The following DIO1 variants were observed in gnomAD, a reference collection of about 807,000 sequenced individuals.
DIO1 encodes iodothyronine deiodinase 1.
DIO1 carries 17 observed loss-of-function variants against 25.9 expected under a neutral mutation model. The ratio of observed to expected loss-of-function variants is 0.66; its 90% CI spans 0.45 to 0.98. DIO1 has a LOEUF of 0.98. DIO1 is among the 50% of genes least tolerant of loss of function. The probability of loss-of-function intolerance (pLI) is 0.00; values close to 1 mark genes in which losing one functional copy is unlikely to be tolerated. For missense variants in DIO1, 270 were observed against 310.4 expected (o/e 0.87, Z 0.98); for synonymous variants, 115 against 114.0 (o/e 1.01, Z -0.05).
intron 1 of DIO1, among the ~76,000 whole-genome samples, chr1:53,901,173 T>C (rs1051960376): frequency 5.3e-5 from 8 of 151,870 alleles, no homozygotes; most frequent in Admixed American, 1.3e-4. Flanking sequence ...CCTAACTGCT[T>C]ATCCCTCACT....
chr1:53,900,073 A>T (rs1250837280), intron 1 of DIO1, among the ~76,000 whole-genome samples: 3 of 152,206 alleles, frequency 2.0e-5, no homozygotes, highest in Non-Finnish European at 4.4e-5. Flanking sequence ...CAGGCCTTTT[A>T]AGAAAAAGTC....
chr1:53,896,207 TC>T (rs1197269126), intron 1 of DIO1, among the ~76,000 whole-genome samples: 6 of 145,732 alleles, frequency 4.1e-5, no homozygotes, highest in African/African-American at 1.5e-4. Context: ...TTTTTCTTTT[TC>T]TCTTTTTTTT....
intron 1 of DIO1, among the ~76,000 whole-genome samples, chr1:53,901,229 T>A (rs7520300): frequency 0.23 from 34,528 of 151,928 alleles, 4,164 homozygotes; most frequent in African/African-American, 0.3. Flanking sequence ...GCCAGAGTGA[T>A]CTTCAAGTGT....
rs751609426 is a variant in DIO1 at position 53,894,343 on chromosome 1, G to A, written c.133G>A (p.Gly45Ser). Residue 45 changes from glycine to serine, a missense_variant, in exon 1 of 4, where the codon GGC (glycine) becomes AGC (serine). By Grantham distance (56) the Gly-to-Ser change is moderately conservative. Coordinates refer to ENST00000361921, the MANE Select transcript of DIO1 (RefSeq NM_000792.7). The surrounding 1 kb of genome is among the most constrained non-coding windows in gnomAD (Gnocchi z 4.9). ...DRVKRNILAM[G>S]EKTGMTRNPH... The stretch of plus-strand genomic sequence containing the variant: ...AGTCAAGCGGAACATCCTGGCCATG[G>A]GCGAGAAGACGGGTATGACCAGGAA... 6.2e-7 allele frequency: 1 copy of A among 1,614,218 alleles called. No individual in the cohort carries two copies. Among genetic ancestry groups the A allele is most frequent in the East Asian group, 2.2e-5 (1 of 44,886 alleles).
At position 53,904,752 on chromosome 1, in the gene DIO1, G is replaced by C. The variant is rs377232338; in HGVS notation, c.424G>C (p.Asp142His). The C allele has an allele frequency of 6.2e-7, 1 of 1,613,598 alleles. No individual in the cohort carries two copies. Among genetic ancestry groups the C allele is most frequent in the Non-Finnish European group, 8.5e-7 (1 of 1,179,820 alleles). The stretch of plus-strand genomic sequence containing the variant: ...TGACCAGTTCAAGAGGCTTATTGAA[G>C]ACTTTAGTTCCATAGCAGATTTTCT... Reference protein sequence around the residue: ...KFDQFKRLIEDFSSIADFLVI... With the variant: ...KFDQFKRLIEHFSSIADFLVI... The change falls in exon 2 of 4, where the codon GAC becomes CAC. Residue 142 changes from aspartate to histidine, a missense_variant. Coordinates refer to ENST00000361921, the MANE Select transcript of DIO1 (RefSeq NM_000792.7).
chr1:53,907,336 T>C (rs948607151), intron 3 of DIO1, among the ~76,000 whole-genome samples: 16 of 151,972 alleles, frequency 1.1e-4, no homozygotes, highest in African/African-American at 3.6e-4. Flanking sequence ...TTTAAAGCTA[T>C]TGAAGGGATT....
intron 3 of DIO1, 87 bp from the exon 4 acceptor site, chr1:53,909,844 C>A: frequency 7.7e-7 from 1 of 1,301,602 alleles, no homozygotes; most frequent in Non-Finnish European, 1.1e-6. Flanking sequence ...ATTTGACCAC[C>A]TCTTGCAACT....
rs1389970499 is a variant in DIO1, at chr1:53,894,319, G to A, written c.109G>A (p.Val37Ile). 3 of 1,614,124 alleles carry A rather than the reference G, an allele frequency of 1.9e-6. No individual in the cohort carries two copies. Among genetic ancestry groups the A allele is most frequent in the African/African-American group, 1.3e-5 (1 of 74,938 alleles). Residue 37 changes from valine (V) to isoleucine (I), a missense_variant, in exon 1 of 4, where the codon GTC (valine) becomes ATC (isoleucine). Val to Ile is a conservative substitution (Grantham distance 29). Transcript: ENST00000361921. The surrounding 1 kb of genome is among the most constrained non-coding windows in gnomAD (Gnocchi z 4.9). ...GCTTCTGATATTGTTTCCAGACAGAGTCAAGCGGAACATCCTGGCCATGGG... is the reference window on the plus strand; with the variant it reads ...GCTTCTGATATTGTTTCCAGACAGAATCAAGCGGAACATCCTGGCCATGGG... ...KVLLILFPDR[V>I]KRNILAMGEK...
At chr1:53,897,553 C>T (rs1376879199) in intron 1 of DIO1, among the ~76,000 whole-genome samples, 2 of 152,104 alleles carry the variant, frequency 1.3e-5, no homozygotes, top group Non-Finnish European at 2.9e-5. Context: ...GCAGCTGAGA[C>T]TGAAAATTGG....
At chr1:53,900,696 C>T in intron 1 of DIO1, among the ~76,000 whole-genome samples, 1 of 152,128 alleles carries the variant, frequency 6.6e-6, no homozygotes, top group East Asian at 1.9e-4. Flanking sequence ...GTATAGTTAA[C>T]CAAATAAACC....
At chr1:53,897,632 G>A (rs1257964051) in intron 1 of DIO1, among the ~76,000 whole-genome samples, 1 of 152,082 alleles carries the variant, frequency 6.6e-6, no homozygotes, top group Non-Finnish European at 1.5e-5. Flanking sequence ...TGGGAGGATT[G>A]CTTGAACCCA....
At position 53,906,157 on chromosome 1, in the gene DIO1, C is replaced by T; in HGVS notation, c.544C>T (p.Gln182Ter). Reference sequence around the variant, plus strand: ...TCACCAGAACCTTCAGGATCGCCTGCAGGCAGCCCATCTACTGCTGGCCAG... The same window carrying T: ...TCACCAGAACCTTCAGGATCGCCTGTAGGCAGCCCATCTACTGCTGGCCAG... ...RNHQNLQDRLQAAHLLLARSP... is the reference protein window; with the variant it reads ...RNHQNLQDRL The change falls in exon 3 of 4, where the codon CAG becomes TAG. Residue 182 changes from glutamine to a stop codon, truncating the protein, a stop_gained. Transcript: ENST00000361921. LOFTEE classifies it high-confidence loss of function. The T allele has an allele frequency of 6.2e-7, 1 of 1,614,208 alleles. No individual in the cohort carries two copies. Among genetic ancestry groups the T allele is most frequent in the East Asian group, 2.2e-5 (1 of 44,880 alleles).
At chr1:53,897,785 G>A (rs1287101923) in intron 1 of DIO1, among the ~76,000 whole-genome samples, 2 of 152,166 alleles carry the variant, frequency 1.3e-5, no homozygotes, top group Admixed American at 6.5e-5. Flanking sequence ...CCAGGAGGTC[G>A]AGGCTTCAGT....
intron 2 of DIO1, 45 bp downstream of exon 2, chr1:53,904,854 TTCTC>T (rs776543126): frequency 1.3e-6 from 2 of 1,579,906 alleles, no homozygotes; most frequent in Admixed American, 3.6e-5. Context: ...CCACTGTCTT[TTCTC>T]TCTCCCTTTT....
chr1:53,897,876 T>G (rs1007481710), intron 1 of DIO1, among the ~76,000 whole-genome samples: 4 of 152,034 alleles, frequency 2.6e-5, no homozygotes, highest in African/African-American at 4.8e-5. Flanking sequence ...TAAATAAAAT[T>G]AAAAATTTTT....
At chr1:53,903,722 A>G (rs541667359) in intron 1 of DIO1, among the ~76,000 whole-genome samples, 6 of 151,868 alleles carry the variant, frequency 4.0e-5, no homozygotes, top group African/African-American at 1.5e-4. Flanking sequence ...GGTGGTGTGC[A>G]CCTGGAGTCC....
At chr1:53,897,462 C>CGA (rs1219513474) in intron 1 of DIO1, among the ~76,000 whole-genome samples, 1 of 151,602 alleles carries the variant, frequency 6.6e-6, no homozygotes, top group Non-Finnish European at 1.5e-5. Flanking sequence ...GGTGACACAG[C>CGA]GAGACTCTGT....
rs570220932 is a variant in DIO1 at position 53,904,540 on chromosome 1, G to C, written c.338-126G>C. On this transcript the variant is annotated intron_variant, in intron 1 of 3. Transcript: ENST00000361921. ...CTAGGTGTCGGACCCCAGTGCCTAGGACCCATCCTGGGGTGGGGGGTAGGG... is the reference window on the plus strand; with the variant it reads ...CTAGGTGTCGGACCCCAGTGCCTAGCACCCATCCTGGGGTGGGGGGTAGGG... 66 of 1,182,682 alleles carry C rather than the reference G, an allele frequency of 5.6e-5. No homozygotes were observed. In the East Asian group the frequency reaches 1.4e-3, roughly 25 times the overall value. The allele number at this position is 1,182,682 out of a possible 1,614,324, so 73.3% of individuals were successfully genotyped here.
At position 53,906,077 on chromosome 1, in the gene DIO1, C is replaced by T. The variant is rs1463207451; in HGVS notation, c.482-18C>T. On this transcript the variant is annotated intron_variant, in intron 2 of 3. Coordinates refer to ENST00000361921, the MANE Select transcript of DIO1 (RefSeq NM_000792.7). ...GTGCTGTGTCAATGGGACTCGGTGC[C>T]TGGCCTTTCTCTTGTAGATGGCTGG... is the stretch of plus-strand genomic sequence containing the variant. The T allele has an allele frequency of 1.9e-6, 3 of 1,613,728 alleles. No individual in the cohort carries two copies. The highest frequency in any genetic ancestry group is 2.5e-6 in the Non-Finnish European group (3 of 1,179,680).
Sources: allele counts gnomAD v4.1 joint callset (sites outside exome capture counted in the v4.1 genomes callset), GRCh38; gene constraint gnomAD v4.1.1; non-coding constraint Gnocchi (gnomAD v3.1); transcripts MANE v1.5; gene names NCBI Gene and HGNC (gene_info 2026-07-23, HGNC 2026-07-21).